KIAA1217: variants seen among roughly 807,000 people sequenced by gnomAD.
KIAA1217 encodes the protein KIAA1217.
KIAA1217 carries 88 observed loss-of-function variants against 163.9 expected under a neutral mutation model. That is an observed-to-expected ratio of 0.54 (90% CI 0.45 to 0.64). The LOEUF is 0.64. Ranked by LOEUF, KIAA1217 falls within the 30% of genes least tolerant of loss-of-function variation. The pLI is 0.00. For missense variants in KIAA1217, 2,372 were observed against 2,475.0 expected, an observed-to-expected ratio of 0.96 and a Z score of 0.88; for synonymous variants, 903 against 923.1, an observed-to-expected ratio of 0.98 and a Z score of 0.39.
intron 5 of KIAA1217, among the ~76,000 whole-genome samples, chr10:24,445,740 A>G (rs1592003438): frequency 1.3e-5 from 2 of 151,880 alleles, no homozygotes; most frequent in Non-Finnish European, 1.5e-5. Context: ...ATAGTATTCC[A>G]TGGTGTATAT....
chr10:23,855,285 G>A (rs1290689121), intron 1 of KIAA1217, among the ~76,000 whole-genome samples: 2 of 152,104 alleles, frequency 1.3e-5, no homozygotes, highest in East Asian at 3.9e-4. Context: ...GCTTAGTTTG[G>A]GTGGATATGA....
intron 16 of KIAA1217, among the ~76,000 whole-genome samples, chr10:24,535,759 A>G (rs2073913702): frequency 1.3e-5 from 2 of 151,716 alleles, no homozygotes; most frequent in Admixed American, 1.3e-4. Context: ...CGTGGGCGAC[A>G]GGGAGAGACT....
intron 1 of KIAA1217, among the ~76,000 whole-genome samples, chr10:23,861,610 G>A (rs1839952408): frequency 1.3e-5 from 2 of 152,308 alleles, no homozygotes; most frequent in South Asian, 4.1e-4. Flanking sequence ...AGAAAAGGAA[G>A]TCAGAGAAAT....
At chr10:24,314,964 AATAAT>A (rs1190430683) in intron 2 of KIAA1217, among the ~76,000 whole-genome samples, 8 of 152,018 alleles carry the variant, frequency 5.3e-5, no homozygotes, top group Non-Finnish European at 1.5e-5. Context: ...ATAATAATAA[AATAAT>A]AAAATAAACC....
intron 2 of KIAA1217, among the ~76,000 whole-genome samples, chr10:24,066,191 T>A (rs1165856391): frequency 7.9e-5 from 12 of 152,206 alleles, no homozygotes. Flanking sequence ...CATTATGATG[T>A]TAGCTGGTTA....
chr10:23,886,583 A>G (rs1841185101), intron 1 of KIAA1217, among the ~76,000 whole-genome samples: 1 of 151,974 alleles, frequency 6.6e-6, no homozygotes, highest in South Asian at 2.1e-4. Context: ...GCAGAGAGAG[A>G]AATCGTATTC....
At chr10:23,709,924 A>G (rs1185292264) in intron 1 of KIAA1217, among the ~76,000 whole-genome samples, 1 of 152,184 alleles carries the variant, frequency 6.6e-6, no homozygotes, top group African/African-American at 2.4e-5. Flanking sequence ...TGCTTTCAAC[A>G]CAACTCTGTT....
rs917947452 is a variant in KIAA1217 at position 24,115,767 on chromosome 10, A to G, written c.-170-103859A>G. Reference sequence around the variant, plus strand: ...ATGGCGCCACCAGGTAGGATGGCCAACCATCTGGATTCCTTGGAACTGGGG... The same window carrying G: ...ATGGCGCCACCAGGTAGGATGGCCAGCCATCTGGATTCCTTGGAACTGGGG... On this transcript the variant is annotated intron_variant, in intron 2 of 18. Coordinates refer to the KIAA1217 transcript ENST00000376462. Among the ~76,000 whole-genome samples, 7 of 152,326 alleles carry G rather than the reference A, an allele frequency of 4.6e-5. No homozygotes were observed. The South Asian group carries it at 1.2e-3, about 27-fold the overall frequency.
At chr10:23,951,385 G>A (rs992302754) in intron 1 of KIAA1217, among the ~76,000 whole-genome samples, 1 of 152,144 alleles carries the variant, frequency 6.6e-6, no homozygotes, top group African/African-American at 2.4e-5. Context: ...CCAGCTCAGG[G>A]GCTCACGCCT....
intron 2 of KIAA1217, among the ~76,000 whole-genome samples, chr10:24,278,173 A>AAT (rs2077519033): frequency 6.6e-6 from 1 of 152,228 alleles, no homozygotes; most frequent in Non-Finnish European, 1.5e-5. Context: ...GAAGCACATT[A>AAT]CAGCCACAGT....
At position 24,520,627 on chromosome 10, in the gene KIAA1217, C is replaced by CAAA. The variant is rs71472812; in HGVS notation, c.2308+397_2308+399dup. 1.8e-4 allele frequency among the ~76,000 whole-genome samples: 8 copies of CAAA among 44,938 alleles called. 1 individual carries two copies. The highest frequency in any genetic ancestry group is 7.7e-4 in the African/African-American group (6 of 7,748). 29.5% of individuals were successfully genotyped at this position (44,938 alleles called of 152,430 possible). On this transcript the variant is annotated intron_variant, in intron 11 of 20. Coordinates refer to ENST00000376454, the MANE Select transcript of KIAA1217 (RefSeq NM_019590.5). ...AATATAGAGAGACTCACATCTCTAC[C>CAAA]AAAAAAAAAAAAAAAAAAAAAAAAA...
chr10:24,003,585 T>C lies in KIAA1217; in HGVS notation c.-320-3640T>C, dbSNP rs186809446. Among the ~76,000 whole-genome samples, 316 of 152,350 alleles carry C rather than the reference T, an allele frequency of 2.1e-3. 2 individuals carry two copies. The highest frequency in any genetic ancestry group is 7.7e-4 in the East Asian group (4 of 5,192). On this transcript the variant is annotated intron_variant, in intron 1 of 18. Coordinates refer to the KIAA1217 transcript ENST00000376462. ...TTTCTATCTATTGTATGCAGCCAAGTTGAATTTCTCAAATGAGAAAATCTG... is the reference window on the plus strand; with the variant it reads ...TTTCTATCTATTGTATGCAGCCAAGCTGAATTTCTCAAATGAGAAAATCTG...
At chr10:24,077,707 T>C (rs1015908491) in intron 2 of KIAA1217, among the ~76,000 whole-genome samples, 1 of 152,210 alleles carries the variant, frequency 6.6e-6, no homozygotes, top group Non-Finnish European at 1.5e-5. Flanking sequence ...GGTAACAGGA[T>C]TGCTGGATCA....
At chr10:23,980,217 C>T (rs1845707876) in intron 1 of KIAA1217, among the ~76,000 whole-genome samples, 1 of 152,190 alleles carries the variant, frequency 6.6e-6, no homozygotes, top group Admixed American at 6.5e-5. Context: ...GAATGGGACA[C>T]TCTCAAACAT....
chr10:24,280,626 A>G (rs2077809793), intron 2 of KIAA1217, among the ~76,000 whole-genome samples: 1 of 151,908 alleles, frequency 6.6e-6, no homozygotes, highest in Admixed American at 6.6e-5. Flanking sequence ...CCTGGCTAAC[A>G]TGGTGAAACC....
At chr10:24,475,126 G>A (rs928462896) in intron 6 of KIAA1217, among the ~76,000 whole-genome samples, 1 of 152,156 alleles carries the variant, frequency 6.6e-6, no homozygotes, top group Non-Finnish European at 1.5e-5. Context: ...GGCTGAGGCA[G>A]GAGAATCACT....
At chr10:24,380,213 G>A (rs1254569565) in intron 2 of KIAA1217, among the ~76,000 whole-genome samples, 2 of 152,124 alleles carry the variant, frequency 1.3e-5, no homozygotes, top group Non-Finnish European at 2.9e-5. Flanking sequence ...AGTCCCATCT[G>A]TTGTGAAAGC....
At chr10:24,163,708 G>A (rs1422495522) in intron 2 of KIAA1217, among the ~76,000 whole-genome samples, 2 of 152,186 alleles carry the variant, frequency 1.3e-5, no homozygotes, top group East Asian at 1.9e-4. Flanking sequence ...GAAGGTATTA[G>A]GCTTGGAAAG....
chr10:24,111,572 A>G (rs1482628127), intron 2 of KIAA1217, among the ~76,000 whole-genome samples: 2 of 152,206 alleles, frequency 1.3e-5, no homozygotes, highest in Non-Finnish European at 2.9e-5. Context: ...GTGAAATATA[A>G]AAAGTCCTCA....
Sources: gnomAD v4.1 joint callset for allele counts (sites outside exome capture counted in the v4.1 genomes callset) on GRCh38, gnomAD v4.1.1 for gene constraint, MANE v1.5 for transcripts, NCBI Gene and HGNC (gene_info 2026-07-23, HGNC 2026-07-21) for gene names.